CNTN4: variants seen among roughly 807,000 people sequenced by gnomAD.
The protein encoded by CNTN4 is contactin-4.
A neutral mutation model predicts 122.5 loss-of-function variants in CNTN4; 77 were observed. The observed-to-expected ratio is 0.63, with a 90% CI of 0.52 to 0.76. The LOEUF (loss-of-function observed/expected upper bound fraction) is 0.76, where lower values mean the gene tolerates loss of function less well. Ranked by LOEUF, CNTN4 falls within the 30% of genes least tolerant of loss-of-function variation. The pLI is 0.00. For synonymous variants in CNTN4, 512 were observed against 447.0 expected (o/e 1.15, Z -1.83); for missense variants, 1,256 against 1,259.1 (o/e 1.00, Z 0.04).
At chr3:2,871,884 A>C (rs1314835408) in intron 8 of CNTN4, among the ~76,000 whole-genome samples, 1 of 152,204 alleles carries the variant, frequency 6.6e-6, no homozygotes, top group Non-Finnish European at 1.5e-5. Flanking sequence ...GATATATGTG[A>C]GAACAGATTT....
chr3:2,495,805 G>A (rs1256105169), intron 3 of CNTN4, among the ~76,000 whole-genome samples: 4 of 152,170 alleles, frequency 2.6e-5, no homozygotes, highest in African/African-American at 7.2e-5. Context: ...ACCAGTCCCT[G>A]CTGCCAAAAA....
intron 6 of CNTN4, among the ~76,000 whole-genome samples, chr3:2,763,088 C>T (rs1269856373): frequency 6.6e-6 from 1 of 151,970 alleles, no homozygotes; most frequent in Non-Finnish European, 1.5e-5. Flanking sequence ...ACTACAGGCA[C>T]GTGCCACCAC....
rs187852228 is a variant in CNTN4, at chr3:2,595,427, A to G, written c.55+23869A>G. The stretch of plus-strand genomic sequence containing the variant: ...AATTTACATATGTCAAGATTTAACA[A>G]TGAGAAGAGAAGCCAGGGGTCCTAT... On this transcript the variant is annotated intron_variant, in intron 4 of 24. Transcript: ENST00000418658. 5.3e-5 allele frequency among the ~76,000 whole-genome samples: 8 copies of G among 152,312 alleles called. No individual in the cohort carries two copies. In the East Asian group the frequency reaches 1.5e-3, roughly 29 times the overall value.
intron 3 of CNTN4, among the ~76,000 whole-genome samples, chr3:2,550,158 G>T (rs1252173442): frequency 6.6e-6 from 1 of 152,026 alleles, no homozygotes; most frequent in Admixed American, 6.6e-5. Flanking sequence ...AGTTCCTGGA[G>T]TCATTGATTT....
chr3:2,191,300 G>T (rs1435128178), intron 2 of CNTN4, among the ~76,000 whole-genome samples: 6 of 150,738 alleles, frequency 4.0e-5, no homozygotes, highest in Admixed American at 4.0e-4. Context: ...TCAACTACCA[G>T]ATTATTCTCA....
chr3:2,328,188 G>A lies in CNTN4; in HGVS notation c.-144-10990G>A, dbSNP rs541303811. Among the ~76,000 whole-genome samples, 319 of 152,222 alleles carry A rather than the reference G, an allele frequency of 2.1e-3. 2 individuals are homozygous for A. Among genetic ancestry groups the A allele is most frequent in the African/African-American group, 7.4e-3 (308 of 41,538 alleles). On this transcript the variant is annotated intron_variant, in intron 2 of 24. Transcript: ENST00000418658. ...TGGGAGGCCGAGGCGGGCGGATCAC[G>A]GGGTCAGGAGATCGAGACCATCCTG...
At chr3:2,894,976 A>G (rs554501945) in intron 10 of CNTN4, among the ~76,000 whole-genome samples, 9 of 152,312 alleles carry the variant, frequency 5.9e-5, no homozygotes, top group Non-Finnish European at 1.0e-4. Flanking sequence ...ATCAGATGGC[A>G]GAAGACTTCA....
At chr3:2,292,167 G>A (rs558232046) in intron 2 of CNTN4, among the ~76,000 whole-genome samples, 5 of 152,116 alleles carry the variant, frequency 3.3e-5, no homozygotes, top group Admixed American at 6.5e-5. Flanking sequence ...TCACTTCTAC[G>A]GCACTTATCT....
intron 23 of CNTN4, among the ~76,000 whole-genome samples, chr3:3,046,420 A>T (rs1421974656): frequency 1.3e-5 from 2 of 152,254 alleles, no homozygotes; most frequent in Non-Finnish European, 2.9e-5. Flanking sequence ...TCAGACTAAT[A>T]GCGGATCTCT....
intron 4 of CNTN4, among the ~76,000 whole-genome samples, chr3:2,695,973 A>G (rs1237790777): frequency 2.0e-5 from 3 of 152,198 alleles, no homozygotes; most frequent in African/African-American, 7.2e-5. Flanking sequence ...TATTAGCTCG[A>G]GAATGGCAGA....
At chr3:2,569,717 G>A (rs1320204148) in intron 3 of CNTN4, among the ~76,000 whole-genome samples, 1 of 151,986 alleles carries the variant, frequency 6.6e-6, no homozygotes, top group Non-Finnish European at 1.5e-5. Flanking sequence ...ACAAGTTCCT[G>A]CCAGAGTTGT....
At chr3:2,258,489 A>G (rs1575191629) in intron 2 of CNTN4, among the ~76,000 whole-genome samples, 1 of 152,150 alleles carries the variant, frequency 6.6e-6, no homozygotes, top group African/African-American at 2.4e-5. Flanking sequence ...ACATCTAGAT[A>G]GTTGTTGGAT....
chr3:3,044,375 C>A (rs978964205), intron 23 of CNTN4, among the ~76,000 whole-genome samples: 35 of 152,116 alleles, frequency 2.3e-4, no homozygotes, highest in African/African-American at 8.2e-4. Context: ...GTGGATAGGG[C>A]CAGAATGGAC....
At chr3:2,724,871 T>C (rs1559432191) in intron 4 of CNTN4, among the ~76,000 whole-genome samples, 1 of 152,204 alleles carries the variant, frequency 6.6e-6, no homozygotes, top group Non-Finnish European at 1.5e-5. Context: ...GGTCGTACTT[T>C]TGTTTAGATG....
At chr3:2,684,300 G>A (rs974884873) in intron 4 of CNTN4, among the ~76,000 whole-genome samples, 2 of 152,152 alleles carry the variant, frequency 1.3e-5, no homozygotes, top group African/African-American at 2.4e-5. Flanking sequence ...GCAGGGAGCA[G>A]AATAGGCCAG....
chr3:2,567,923 C>T (rs1214725908), intron 3 of CNTN4, among the ~76,000 whole-genome samples: 2 of 152,136 alleles, frequency 1.3e-5, no homozygotes, highest in Non-Finnish European at 2.9e-5. Context: ...TCTTAATAAA[C>T]TTACTGCACA....
chr3:2,929,229 T>A (rs2094499036), intron 13 of CNTN4, among the ~76,000 whole-genome samples: 1 of 152,204 alleles, frequency 6.6e-6, no homozygotes, highest in African/African-American at 2.4e-5. Context: ...GAGAGGTCTC[T>A]AGTCACCATA....
Position 2,840,568 on chromosome 3 carries a change from G to GA in CNTN4, c.454+20987_454+20988insA, listed in dbSNP as rs1158127431. On this transcript the variant is annotated intron_variant, in intron 7 of 24. Transcript: ENST00000418658. Reference sequence around the variant, plus strand: ...ACAAAAATTAGCCGGGCGCGGTGATGGGCGCCTGTAGTCCCAGCTACTCGG... The same window carrying GA: ...ACAAAAATTAGCCGGGCGCGGTGATGAGGCGCCTGTAGTCCCAGCTACTCGG... 2.0e-4 allele frequency among the ~76,000 whole-genome samples: 5 copies of GA among 25,514 alleles called. 2 individuals are homozygous for GA. Among genetic ancestry groups the GA allele is most frequent in the African/African-American group, 3.1e-4 (5 of 16,276 alleles). 16.7% of individuals were successfully genotyped at this position (25,514 alleles called of 152,430 possible).
At chr3:2,787,105 G>A (rs62232889) in intron 6 of CNTN4, among the ~76,000 whole-genome samples, 8,539 of 152,182 alleles carry the variant, frequency 0.056, 273 homozygotes, top group Non-Finnish European at 0.07. Context: ...GGCCAGGCGC[G>A]GTGGCTCATA....
Sources: allele counts gnomAD v4.1 joint callset (sites outside exome capture counted in the v4.1 genomes callset), GRCh38; gene constraint gnomAD v4.1.1; transcripts MANE v1.5; gene names NCBI Gene and HGNC (gene_info 2026-07-23, HGNC 2026-07-21).